RPLP0: variants seen among roughly 807,000 people sequenced by gnomAD.
RPLP0 encodes ribosomal protein lateral stalk subunit P0, also known as large ribosomal subunit protein uL10.
For missense variants in RPLP0, 276 were observed against 402.9 expected (o/e 0.69, Z 2.70); for synonymous variants, 137 against 153.4 (o/e 0.89, Z 0.79).
In RPLP0 at chr12:120,198,365, G is replaced by C. The variant is rs577237279; in HGVS notation, c.651+189C>G. 1.6e-6 allele frequency: 1 copy of C among 608,266 alleles called. No individual in the cohort carries two copies. The highest frequency in any genetic ancestry group is 2.8e-6 in the Non-Finnish European group (1 of 362,160). The allele number at this position is 608,266 out of a possible 1,614,324, so 37.7% of individuals were successfully genotyped here. ...TGTGCCACTGCACTCCAGCCTGGGC[G>C]ACACAGCAAGACTCTGTCTCCAAAA... On this transcript the variant is annotated intron_variant, in intron 6 of 7. Transcript: ENST00000392514. This position sits in a 1 kb window ranked among gnomAD's most constrained non-coding sequence, Gnocchi z 4.1.
intron 1 of RPLP0, 83 bp from the exon 2 acceptor site, chr12:120,200,914 A>C: frequency 8.4e-6 from 12 of 1,432,558 alleles, no homozygotes; most frequent in Non-Finnish European, 1.1e-5. Flanking sequence ...GGACACGCGC[A>C]ATCGCCCGCC....
rs1879315882 is a variant in RPLP0 at position 120,199,467 on chromosome 12, G to A, written c.73C>T (p.Pro25Ser). The A allele has an allele frequency of 6.2e-7, 1 of 1,613,956 alleles. No homozygotes were observed. Among genetic ancestry groups the A allele is most frequent in the Non-Finnish European group, 8.5e-7 (1 of 1,179,984 alleles). The change falls in exon 3 of 8, where the codon CCG becomes TCG. Residue 25 changes from proline to serine, a missense_variant. Pro to Ser is a moderately conservative substitution (Grantham distance 74, BLOSUM62 -1). Transcript: ENST00000392514. ...TCTGCTCCCACAATGAAACATTTCG[G>A]ATAATCATCCAATAGTTGCTACAAA... ...LKIIQLLDDY[P>S]KCFIVGADNV...
At chr12:120,199,663 G>C (rs1879332428) in intron 2 of RPLP0, 178 bp from the exon 3 acceptor site, 1 of 621,568 alleles carries the variant, frequency 1.6e-6, no homozygotes, top group Admixed American at 3.1e-5. Context: ...TGGCTAGCTG[G>C]GTATGAACGC....
At chr12:120,197,113 C>T (rs1879212210) in intron 7 of RPLP0, 179 bp from the exon 8 acceptor site, 1 of 1,152,822 alleles carries the variant, frequency 8.7e-7, no homozygotes, top group Non-Finnish European at 1.2e-6. Context: ...GTTCCTAAGG[C>T]CCAGCTCTTG....
intron 2 of RPLP0, chr12:120,200,183 G>A (rs1879370616): frequency 7.8e-5 from 35 of 446,806 alleles, no homozygotes; most frequent in South Asian, 4.7e-4. Flanking sequence ...TGTAATGTGC[G>A]GCCGGGCGCG....
At chr12:120,200,612 T>TC in intron 2 of RPLP0, 118 bp downstream of exon 2, 1 of 1,136,750 alleles carries the variant, frequency 8.8e-7, no homozygotes, top group Non-Finnish European at 1.2e-6. Flanking sequence ...AACAGTATTT[T>TC]CCCAAAAATG....
intron 1 of RPLP0, 78 bp from the exon 2 acceptor site, chr12:120,200,909 C>T (rs897471293): frequency 2.1e-6 from 3 of 1,443,486 alleles, no homozygotes; most frequent in Non-Finnish European, 2.7e-6. Context: ...GAGCAGGACA[C>T]GCGCAATCGC....
chr12:120,199,478 A>C lies in RPLP0; in HGVS notation c.62T>G (p.Leu21Trp). 6.2e-7 allele frequency: 1 copy of C among 1,613,844 alleles called. No homozygotes were observed. Among genetic ancestry groups the C allele is most frequent in the South Asian group, 1.1e-5 (1 of 91,060 alleles). The change falls in exon 3 of 8, where the codon TTG becomes TGG. Residue 21 changes from leucine (L) to tryptophan (W), a missense_variant. Leu to Trp is a moderately conservative substitution (Grantham distance 61, BLOSUM62 -2). Transcript: ENST00000392514. ...SNYFLKIIQLLDDYPKCFIVG... is the reference protein window; with the variant it reads ...SNYFLKIIQLWDDYPKCFIVG... ...AATGAAACATTTCGGATAATCATCC[A>C]ATAGTTGCTACAAAAAACAAGCCAG...
At position 120,196,863 on chromosome 12, in the gene RPLP0, A is replaced by G. The variant is rs779821494; in HGVS notation, c.864T>C (p.Ala288=). Residue 288 remains alanine (A), a synonymous_variant, in exon 8 of 8, where the codon GCT becomes GCC. Transcript: ENST00000392514. Reference sequence around the variant, plus strand: ...TAGCTGGGGCTGCAGCAGCAGCAGGAGCAGCTGTGGTGGCAGCAGCCACAG... The same window carrying G: ...TAGCTGGGGCTGCAGCAGCAGCAGGGGCAGCTGTGGTGGCAGCAGCCACAG... ...AAPVAAATTA[A]PAAAAAPAKV... The G allele has an allele frequency of 3.1e-6, 5 of 1,611,694 alleles. No individual in the cohort carries two copies. The highest frequency in any genetic ancestry group is 4.2e-6 in the Non-Finnish European group (5 of 1,179,114).
rs764191354 is a variant in RPLP0, at chr12:120,199,293, C to G, written c.230+17G>C. ...CGGGCACTGGGGAGAAAGGACAAAACTGCCAGGGGAACTGACTTCTCCAGA... is the reference window on the plus strand; with the variant it reads ...CGGGCACTGGGGAGAAAGGACAAAAGTGCCAGGGGAACTGACTTCTCCAGA... On this transcript the variant is annotated intron_variant, in intron 3 of 7. Coordinates refer to ENST00000392514, the MANE Select transcript of RPLP0 (RefSeq NM_001002.4). 2 of 1,613,918 alleles carry G rather than the reference C, an allele frequency of 1.2e-6. No individual in the cohort carries two copies. The highest frequency in any genetic ancestry group is 1.7e-6 in the Non-Finnish European group (2 of 1,179,914).
Position 120,197,427 on chromosome 12 carries a change from A to C in RPLP0, c.687T>G (p.Ile229Met). The C allele has an allele frequency of 1.9e-6, 3 of 1,613,952 alleles. No homozygotes were observed. Among genetic ancestry groups the C allele is most frequent in the Non-Finnish European group, 1.7e-6 (2 of 1,179,866 alleles). The stretch of plus-strand genomic sequence containing the variant: ...GTACTGATGCAACAGTTGGGTAGCC[A>C]ATCTGCAGACAGACACTGGCAACAT... The part of the protein sequence containing the change: ...VRNVASVCLQ[I>M]GYPTVASVPH... The change falls in exon 7 of 8, where the codon ATT (isoleucine) becomes ATG (methionine). Residue 229 changes from isoleucine (I) to methionine (M), a missense_variant. By Grantham distance (10) the Ile-to-Met change is conservative. Transcript: ENST00000392514.
chr12:120,200,433 A>T, intron 2 of RPLP0: 1 of 370,242 alleles, frequency 2.7e-6, no homozygotes, highest in Non-Finnish European at 5.0e-6. Context: ...ACTGCACTCC[A>T]GCCTGGACAA....
chr12:120,200,951 T>C (rs1207902832), intron 1 of RPLP0, 120 bp from the exon 2 acceptor site: 30 of 1,265,126 alleles, frequency 2.4e-5, no homozygotes, highest in Non-Finnish European at 3.2e-5. Context: ...GCGGCCGTCA[T>C]CTCGGGGCGT....
At chr12:120,200,949 C>A in intron 1 of RPLP0, 118 bp from the exon 2 acceptor site, 1 of 1,276,176 alleles carries the variant, frequency 7.8e-7, no homozygotes, top group Non-Finnish European at 1.0e-6. Context: ...CAGCGGCCGT[C>A]ATCTCGGGGC....
chr12:120,200,120 T>G (rs1489209187), intron 2 of RPLP0: 4 of 455,954 alleles, frequency 8.8e-6, no homozygotes, highest in African/African-American at 8.0e-5. Flanking sequence ...ACAGCTTGCT[T>G]CCTTACAATG....
chr12:120,197,269 C>T (rs1309129116), intron 7 of RPLP0, 53 bp downstream of exon 7: 5 of 1,528,736 alleles, frequency 3.3e-6, no homozygotes, highest in Non-Finnish European at 4.5e-6. Flanking sequence ...GCCACATCAC[C>T]CTGCTAATTT....
rs148412897 is a variant in RPLP0 at position 120,201,111 on chromosome 12, G to A, written c.-77C>T. 1.8e-3 allele frequency: 595 copies of A among 333,470 alleles called. 5 individuals carry two copies. The highest frequency in any genetic ancestry group is 0.012 in the African/African-American group (548 of 47,170). 20.7% of individuals were successfully genotyped at this position (333,470 alleles called of 1,614,324 possible). ...CCACGAGGACGCCTGGCGAGAGAAG[G>A]GCCTCGCGCCCGCGCGTGCCTTTTA... On this transcript the variant is annotated 5_prime_UTR_variant, in exon 1 of 8. Transcript: ENST00000392514.
chr12:120,200,540 T>G, intron 2 of RPLP0, 190 bp downstream of exon 2: 1 of 597,484 alleles, frequency 1.7e-6, no homozygotes, highest in Non-Finnish European at 2.9e-6. Flanking sequence ...TAGGACCCAC[T>G]TAACTTGCCT....
In RPLP0 at chr12:120,196,769, G is replaced by C. The variant is rs760234692; in HGVS notation, c.*4C>G. On this transcript the variant is annotated 3_prime_UTR_variant, in exon 8 of 8. Coordinates refer to ENST00000392514, the MANE Select transcript of RPLP0 (RefSeq NM_001002.4). ...AACTGGCTAAGTTGGTTGCTTTTTG[G>C]TGATTAGTCAAAGAGACCAAATCCC... 3.2e-6 allele frequency: 5 copies of C among 1,543,798 alleles called. No homozygotes were observed. The Admixed American group carries it at 1.0e-4, about 31-fold the overall frequency.
Sources: gnomAD v4.1 joint callset for allele counts on GRCh38, gnomAD v4.1.1 for gene constraint, Gnocchi (gnomAD v3.1) non-coding constraint, MANE v1.5 for transcripts, NCBI Gene and HGNC (gene_info 2026-07-23, HGNC 2026-07-21) for gene names.